Variants in WASF3 observed in about 807,000 individuals in gnomAD.
WASF3 encodes the protein WASP family member 3.
A neutral mutation model predicts 46.6 loss-of-function variants in WASF3; 11 were observed. That is an observed-to-expected ratio of 0.24 (90% confidence interval 0.15 to 0.39). The LOEUF is 0.39. WASF3 is among the 10% of genes least tolerant of loss of function. WASF3 has a pLI of 1.00. For missense variants in WASF3, 576 were observed against 669.8 expected (o/e 0.86, Z 1.55); for synonymous variants, 242 against 259.7 (o/e 0.93, Z 0.65).
At chr13:26,565,120 C>T (rs1030107261) in intron 1 of WASF3, among the ~76,000 whole-genome samples, 3 of 146,972 alleles carry the variant, frequency 2.0e-5, no homozygotes, top group African/African-American at 7.6e-5. Context: ...GTGGTGGCTG[C>T]AGTGAGGTGA....
chr13:26,576,188 T>C (rs1879790354), intron 1 of WASF3, among the ~76,000 whole-genome samples: 2 of 152,176 alleles, frequency 1.3e-5, no homozygotes, highest in South Asian at 4.1e-4. Context: ...ATGGTTGTTT[T>C]TCTACTTTTC....
chr13:26,667,741 G>C, intron 5 of WASF3, 71 bp downstream of exon 5: 1 of 1,463,826 alleles, frequency 6.8e-7, no homozygotes, highest in Non-Finnish European at 9.3e-7. Context: ...GGAGCAAGCT[G>C]ATGCATTGTG....
chr13:26,552,160 C>G, the WASF3 span, among the ~76,000 whole-genome samples: 1 of 152,210 alleles, frequency 6.6e-6, no homozygotes, highest in Non-Finnish European at 1.5e-5. Flanking sequence ...GTGAAAATAT[C>G]AGTGAGTCTT....
intron 3 of WASF3, among the ~76,000 whole-genome samples, chr13:26,650,654 C>T (rs191856561): frequency 2.6e-5 from 4 of 152,100 alleles, no homozygotes; most frequent in South Asian, 2.1e-4. Flanking sequence ...AGATGAACAA[C>T]GTGTGAGGAA....
intron 1 of WASF3, among the ~76,000 whole-genome samples, chr13:26,594,677 C>T (rs920782802): frequency 1.3e-5 from 2 of 152,180 alleles, no homozygotes; most frequent in African/African-American, 4.8e-5. Context: ...TAAGTTCCTT[C>T]CAACTCTCCC....
chr13:26,611,700 C>T (rs1880984916), intron 1 of WASF3, among the ~76,000 whole-genome samples: 1 of 152,284 alleles, frequency 6.6e-6, no homozygotes, highest in East Asian at 1.9e-4. Flanking sequence ...GGAAAAAGCT[C>T]ACTTTTCTCT....
chr13:26,679,621 C>T lies in WASF3; in HGVS notation c.717-1433C>T, dbSNP rs1336560359. Among the ~76,000 whole-genome samples the T allele has an allele frequency of 3.3e-5, 5 of 152,124 alleles. No individual in the cohort carries two copies. Among genetic ancestry groups the T allele is most frequent in the Admixed American group, 6.5e-5 (1 of 15,278 alleles). Reference sequence around the variant, plus strand: ...AAGGTTGCACTGTAAGCCAGTGACTCGTAGTCATGCGCAGAGTCAAGCACA... The same window carrying T: ...AAGGTTGCACTGTAAGCCAGTGACTTGTAGTCATGCGCAGAGTCAAGCACA... On this transcript the variant is annotated intron_variant, in intron 7 of 9. Coordinates refer to ENST00000335327, the MANE Select transcript of WASF3 (RefSeq NM_006646.6). This position sits in a 1 kb window ranked among gnomAD's most constrained non-coding sequence, Gnocchi z 4.8.
intron 7 of WASF3, among the ~76,000 whole-genome samples, chr13:26,680,491 C>G (rs1449599380): frequency 6.6e-6 from 1 of 152,200 alleles, no homozygotes; most frequent in Non-Finnish European, 1.5e-5. Context: ...GCAAAGAAAA[C>G]TATGGAAAGA....
At chr13:26,573,495 G>A (rs190455498) in intron 1 of WASF3, among the ~76,000 whole-genome samples, 1 of 151,864 alleles carries the variant, frequency 6.6e-6, no homozygotes, top group East Asian at 1.9e-4. Context: ...TTTTGCTTTT[G>A]TTTCCTTGAT....
chr13:26,653,603 C>T (rs758650834), intron 3 of WASF3, among the ~76,000 whole-genome samples: 13 of 152,202 alleles, frequency 8.5e-5, no homozygotes, highest in Non-Finnish European at 8.8e-5. Context: ...TCTTCACCTG[C>T]ACAGTGGTCC....
intron 1 of WASF3, among the ~76,000 whole-genome samples, chr13:26,603,360 G>A (rs1880698373): frequency 6.6e-6 from 1 of 152,162 alleles, no homozygotes; most frequent in South Asian, 2.1e-4. Flanking sequence ...TGAATATTCA[G>A]GAATCAAGGT....
chr13:26,650,539 C>T (rs1277967122), intron 3 of WASF3, among the ~76,000 whole-genome samples: 1 of 152,076 alleles, frequency 6.6e-6, no homozygotes, highest in African/African-American at 2.4e-5. Context: ...GATTAATATG[C>T]TGAGGGATCT....
intron 3 of WASF3, 24 bp downstream of exon 3, chr13:26,642,427 C>A: frequency 6.4e-7 from 1 of 1,563,268 alleles, no homozygotes; most frequent in South Asian, 1.2e-5. Flanking sequence ...TTTCTGATTA[C>A]CAATGACATT....
chr13:26,558,571 C>G (rs557268603), intron 1 of WASF3, among the ~76,000 whole-genome samples: 3 of 151,146 alleles, frequency 2.0e-5, no homozygotes, highest in East Asian at 4.0e-4. Flanking sequence ...GTTTGTGGTG[C>G]TGACGTGCAA....
intron 5 of WASF3, among the ~76,000 whole-genome samples, chr13:26,671,508 C>T (rs1220634083): frequency 3.3e-5 from 5 of 152,086 alleles, no homozygotes; most frequent in Non-Finnish European, 7.4e-5. Context: ...AGTAAGAATC[C>T]ATCCATCTCT....
rs185653929 is a variant in WASF3 at position 26,565,663 on chromosome 13, T to G, written c.-109+7844T>G. The stretch of plus-strand genomic sequence containing the variant: ...AACACCTGTCTTGAGATTTTAATTC[T>G]TGCTGCAAACAGCATTTGTTTCCCA... On this transcript the variant is annotated intron_variant, in intron 1 of 9. Transcript: ENST00000335327. Among the ~76,000 whole-genome samples, 144 of 152,360 alleles carry G rather than the reference T, an allele frequency of 9.5e-4. 1 individual carries two copies. Among genetic ancestry groups the G allele is most frequent in the African/African-American group, 3.4e-3 (140 of 41,592 alleles).
intron 1 of WASF3, among the ~76,000 whole-genome samples, chr13:26,603,113 C>A (rs975559215): frequency 6.6e-6 from 1 of 152,132 alleles, no homozygotes; most frequent in Non-Finnish European, 1.5e-5. Context: ...TTGTCTTTCT[C>A]CTGAAATAGC....
intron 5 of WASF3, among the ~76,000 whole-genome samples, chr13:26,669,944 G>A (rs1352429679): frequency 6.6e-6 from 1 of 152,198 alleles, no homozygotes; most frequent in Non-Finnish European, 1.5e-5. Context: ...GGAAGACTGT[G>A]TGGTGATTCC....
chr13:26,547,377 T>C, the WASF3 span, among the ~76,000 whole-genome samples: 2 of 139,476 alleles, frequency 1.4e-5, no homozygotes, highest in African/African-American at 2.7e-5. Flanking sequence ...ACTCCACACT[T>C]TTCTCCTACC....
Sources: allele counts gnomAD v4.1 joint callset (sites outside exome capture counted in the v4.1 genomes callset), GRCh38; gene constraint gnomAD v4.1.1; non-coding constraint Gnocchi (gnomAD v3.1); transcripts MANE v1.5; gene names NCBI Gene and HGNC (gene_info 2026-07-23, HGNC 2026-07-21).